ZC3H6: variants seen among roughly 807,000 people sequenced by gnomAD.
ZC3H6 encodes zinc finger CCCH domain-containing protein 6.
In ZC3H6, 40 loss-of-function variants were observed where a neutral mutation model predicts 107.7. The observed-to-expected ratio is 0.37, with a 90% CI of 0.29 to 0.48. The LOEUF is 0.48. ZC3H6 is among the 20% of genes least tolerant of loss of function. The pLI, the probability that ZC3H6 is intolerant of heterozygous loss-of-function variation, is 0.98. For missense variants in ZC3H6, 1,267 were observed against 1,410.4 expected, an observed-to-expected ratio of 0.90 and a Z score of 1.63; for synonymous variants, 493 against 487.9, an observed-to-expected ratio of 1.01 and a Z score of -0.14.
intron 3 of ZC3H6, among the ~76,000 whole-genome samples, chr2:112,307,746 G>A (rs1407216963): frequency 6.6e-6 from 1 of 152,150 alleles, no homozygotes. Context: ...GCCCTGGGAT[G>A]GAACGTGCAT....
At position 112,277,193 on chromosome 2, in the gene ZC3H6, GTCAA is replaced by G. The variant is rs530609638; in HGVS notation, c.32+1172_32+1175del. Among the ~76,000 whole-genome samples the G allele has an allele frequency of 3.3e-5, 5 of 152,248 alleles. No individual in the cohort carries two copies. In the South Asian group the frequency reaches 1.0e-3, roughly 32 times the overall value. On this transcript the variant is annotated intron_variant, in intron 1 of 11. Coordinates refer to ENST00000409871, the MANE Select transcript of ZC3H6 (RefSeq NM_198581.3). The stretch of plus-strand genomic sequence containing the variant: ...ATAAAAGTAGATTCCCAGAGGGCAC[GTCAA>G]TCAAAGTGTAAAAATTTTTGGAAAG...
rs560450647 is a variant in ZC3H6 at position 112,326,722 on chromosome 2, C to T, written c.2086+1525C>T. 4.6e-5 allele frequency among the ~76,000 whole-genome samples: 7 copies of T among 152,296 alleles called. No homozygotes were observed. The South Asian group carries it at 1.0e-3, about 23-fold the overall frequency. ...CTCCCTCCCAGGTTCAAGCAATTCT[C>T]GTGCCTCTGCCTCCCGAGTAGCTGG... On this transcript the variant is annotated intron_variant, in intron 11 of 11. Transcript: ENST00000409871.
chr2:112,297,736 G>C lies in ZC3H6; in HGVS notation c.33-2113G>C, dbSNP rs1342702284. 2.0e-5 allele frequency among the ~76,000 whole-genome samples: 3 copies of C among 152,238 alleles called. No individual in the cohort carries two copies. The East Asian group carries it at 5.8e-4, about 29-fold the overall frequency. ...TTTTACAGATTCAAGTTGAGGAATT[G>C]TTTTGTGGCTTGAGTTTTGTTACTA... On this transcript the variant is annotated intron_variant, in intron 1 of 11. Transcript: ENST00000409871.
At chr2:112,319,227 C>A (rs1573961976) in intron 7 of ZC3H6, among the ~76,000 whole-genome samples, 1 of 152,150 alleles carries the variant, frequency 6.6e-6, no homozygotes, top group Non-Finnish European at 1.5e-5. Context: ...CCTGGCCAGG[C>A]ATGGTAGGTC....
rs774689932 is a variant in ZC3H6, at chr2:112,311,869, C to A, written c.679C>A (p.Arg227=). 2.5e-6 allele frequency: 4 copies of A among 1,613,250 alleles called. No individual in the cohort carries two copies. The South Asian group carries it at 3.3e-5, about 13-fold the overall frequency. Residue 227 remains arginine (R), a synonymous_variant, in exon 5 of 12, where the codon CGA becomes AGA. Transcript: ENST00000409871. Reference sequence around the variant, plus strand: ...ACGTGGCTTGCCGAAGAAAATCAAACGAAAAGAACGTGGGGGAAGAACCAA... The same window carrying A: ...ACGTGGCTTGCCGAAGAAAATCAAAAGAAAAGAACGTGGGGGAAGAACCAA... ...RGRGLPKKIK[R]KERGGRTNKG... is the part of the protein sequence containing the mutation.
chr2:112,325,273 C>T (rs1676887066), intron 11 of ZC3H6, 76 bp downstream of exon 11: 3 of 1,385,324 alleles, frequency 2.2e-6, no homozygotes, highest in Non-Finnish European at 3.0e-6. Context: ...GCAGGTGAAT[C>T]ACCTGAGGTC....
At chr2:112,286,585 A>C (rs2104694980) in intron 1 of ZC3H6, among the ~76,000 whole-genome samples, 1 of 152,322 alleles carries the variant, frequency 6.6e-6, no homozygotes, top group Non-Finnish European at 1.5e-5. Context: ...CTATGGGCGC[A>C]CAACACCACG....
At chr2:112,291,746 T>A (rs1676123933) in intron 1 of ZC3H6, among the ~76,000 whole-genome samples, 1 of 151,900 alleles carries the variant, frequency 6.6e-6, no homozygotes, top group Non-Finnish European at 1.5e-5. Context: ...TGAGACAGAG[T>A]CTCATTCTGT....
intron 1 of ZC3H6, among the ~76,000 whole-genome samples, chr2:112,290,529 C>A (rs977407313): frequency 6.6e-6 from 1 of 152,224 alleles, no homozygotes; most frequent in Admixed American, 6.5e-5. Flanking sequence ...TGATTGGTGT[C>A]TGTGCTGTCC....
At position 112,325,127 on chromosome 2, in the gene ZC3H6, T is replaced by G. The variant is rs879247297; in HGVS notation, c.2016T>G (p.Leu672=). The change falls in exon 11 of 12, where the codon CTT becomes CTG. Residue 672 remains leucine, a synonymous_variant. Transcript: ENST00000409871. ...TGCAAAGAGCTCTTTTTGTAAGACT[T>G]ACTCAGAGATACCAAGAAGATGAAG... ...PAVQRALFVR[L]TQRYQEDEEQ... The G allele has an allele frequency of 1.9e-6, 3 of 1,614,018 alleles. No homozygotes were observed. Among genetic ancestry groups the G allele is most frequent in the Non-Finnish European group, 8.5e-7 (1 of 1,179,892 alleles).
chr2:112,296,796 C>G (rs1676245702), intron 1 of ZC3H6, among the ~76,000 whole-genome samples: 1 of 152,106 alleles, frequency 6.6e-6, no homozygotes, highest in East Asian at 1.9e-4. Context: ...CTAGAGATAC[C>G]TCTGTAAAAG....
intron 1 of ZC3H6, among the ~76,000 whole-genome samples, chr2:112,290,051 C>A (rs1676075594): frequency 6.6e-6 from 1 of 152,110 alleles, no homozygotes; most frequent in African/African-American, 2.4e-5. Context: ...TTTGAAAAAC[C>A]TGTACAATAA....
At position 112,308,457 on chromosome 2, in the gene ZC3H6, C is replaced by G. The variant is rs556545670; in HGVS notation, c.337-1428C>G. The stretch of plus-strand genomic sequence containing the variant: ...ATTTATTTATTTTGAGACAGGTTCT[C>G]ACTGTGTCACCCAGGCTGGAGTGCA... On this transcript the variant is annotated intron_variant, in intron 3 of 11. Coordinates refer to ENST00000409871, the MANE Select transcript of ZC3H6 (RefSeq NM_198581.3). 2.3e-4 allele frequency among the ~76,000 whole-genome samples: 32 copies of G among 141,340 alleles called. No individual in the cohort carries two copies. In the South Asian group the frequency reaches 6.9e-3, roughly 31 times the overall value. 92.7% of individuals were successfully genotyped at this position (141,340 alleles called of 152,430 possible). A position where few individuals can be genotyped will look rare whatever the true frequency, so the allele number is the denominator to read the frequency against.
chr2:112,295,969 G>A (rs1191769589), intron 1 of ZC3H6, among the ~76,000 whole-genome samples: 1 of 152,088 alleles, frequency 6.6e-6, no homozygotes, highest in South Asian at 2.1e-4. Flanking sequence ...AGGAGCTCAC[G>A]TTGAAGGAGA....
chr2:112,321,659 T>C (rs746678205), intron 7 of ZC3H6, 97 bp from the exon 8 acceptor site: 4 of 617,592 alleles, frequency 6.5e-6, no homozygotes, highest in Admixed American at 3.3e-5. Flanking sequence ...AGCAGATCTC[T>C]AGAACTTAAC....
chr2:112,296,199 A>G lies in ZC3H6; in HGVS notation c.33-3650A>G, dbSNP rs368817331. Reference sequence around the variant, plus strand: ...TTTCCTTAATACCCCTTTTTTTGTCACTTGCACTCGTGCAAGAGGTAATCA... The same window carrying G: ...TTTCCTTAATACCCCTTTTTTTGTCGCTTGCACTCGTGCAAGAGGTAATCA... On this transcript the variant is annotated intron_variant, in intron 1 of 11. Transcript: ENST00000409871. 2.6e-5 allele frequency among the ~76,000 whole-genome samples: 4 copies of G among 151,872 alleles called. No individual in the cohort carries two copies. The East Asian group carries it at 5.8e-4, about 22-fold the overall frequency.
chr2:112,288,432 G>T (rs563292396), intron 1 of ZC3H6, among the ~76,000 whole-genome samples: 1 of 152,314 alleles, frequency 6.6e-6, no homozygotes, highest in African/African-American at 2.4e-5. Flanking sequence ...CTACTAGGTG[G>T]TACAGTGCTA....
At chr2:112,303,575 A>G (rs1239967083) in intron 3 of ZC3H6, among the ~76,000 whole-genome samples, 2 of 152,036 alleles carry the variant, frequency 1.3e-5, no homozygotes, top group Non-Finnish European at 2.9e-5. Flanking sequence ...GAAAACCACT[A>G]TTCTATTTTC....
chr2:112,275,948 C>T lies in ZC3H6; in HGVS notation c.-47C>T. On this transcript the variant is annotated 5_prime_UTR_variant, in exon 1 of 12. Transcript: ENST00000409871. The stretch of plus-strand genomic sequence containing the variant: ...GGTCTTCCCCGCGCCCCGCCGCCGC[C>T]GGCCTCGCAGACCTGCCCTCCAGCC... The T allele has an allele frequency of 1.3e-6, 2 of 1,500,572 alleles. No individual in the cohort carries two copies. The highest frequency in any genetic ancestry group is 1.8e-6 in the Non-Finnish European group (2 of 1,124,894). The allele number at this position is 1,500,572 out of a possible 1,614,324, so 93.0% of individuals were successfully genotyped here.
Sources: gnomAD v4.1 joint callset for allele counts (sites outside exome capture counted in the v4.1 genomes callset) on GRCh38, gnomAD v4.1.1 for gene constraint, MANE v1.5 for transcripts, NCBI Gene and HGNC (gene_info 2026-07-23, HGNC 2026-07-21) for gene names.